RNF38: variants seen among roughly 807,000 people sequenced by gnomAD.
RNF38 encodes E3 ubiquitin-protein ligase RNF38.
RNF38 carries 15 observed loss-of-function variants against 67.2 expected under a neutral mutation model. The observed-to-expected ratio is 0.22, with a 90% CI of 0.15 to 0.34. The LOEUF is 0.34. RNF38 is among the 10% of genes least tolerant of loss of function. The pLI is 1.00. For missense variants in RNF38, 524 were observed against 639.9 expected (o/e 0.82, Z 1.95); for synonymous variants, 220 against 218.8 (o/e 1.01, Z -0.05).
intron 1 of RNF38, among the ~76,000 whole-genome samples, chr9:36,393,361 C>T (rs1330654851): frequency 6.6e-6 from 1 of 151,952 alleles, no homozygotes; most frequent in Non-Finnish European, 1.5e-5. Flanking sequence ...AAAGGATGGA[C>T]CAATATAATG....
chr9:36,454,579 A>G (rs941046620), intron 1 of RNF38, among the ~76,000 whole-genome samples: 2 of 111,150 alleles, frequency 1.8e-5, no homozygotes, highest in Admixed American at 2.0e-4. Flanking sequence ...ACATTAATTT[A>G]CTTTTTTTTT....
intron 1 of RNF38, among the ~76,000 whole-genome samples, chr9:36,449,818 A>C (rs1303451707): frequency 6.6e-6 from 1 of 152,212 alleles, no homozygotes; most frequent in African/African-American, 2.4e-5. Context: ...GCTCAACTGG[A>C]TGGAAGAAGC....
Position 36,353,343 on chromosome 9 carries a change from G to GA in RNF38, c.910-13dup, listed in dbSNP as rs200495754. 1,893 of 1,474,916 alleles carry GA rather than the reference G, an allele frequency of 1.3e-3. No homozygotes were observed. The highest frequency in any genetic ancestry group is 1.6e-3 in the East Asian group (67 of 41,524). 91.4% of individuals were successfully genotyped at this position (1,474,916 alleles called of 1,614,324 possible). A position where few individuals can be genotyped will look rare whatever the true frequency, so the allele number is the denominator to read the frequency against. ...ATCCTTTGCAGAGGCTGAGGAGGGG[G>GA]AAAAAAAAACACATATATGTATATA... is the stretch of plus-strand genomic sequence containing the variant. On this transcript the variant is annotated splice_polypyrimidine_tract_variant and intron_variant, in intron 6 of 11. Coordinates refer to ENST00000259605, the MANE Select transcript of RNF38 (RefSeq NM_022781.5).
exon 2 of RNF38, chr9:36,424,679 A>G: frequency 1.0e-6 from 1 of 984,694 alleles, no homozygotes; most frequent in Non-Finnish European, 1.2e-6. Context: ...AAGCACCAAC[A>G]CTACCTACAA....
In RNF38 at chr9:36,420,532, C is replaced by CAAAAAA. The variant is rs59641483; in HGVS notation, n.312+4075_312+4080dup. On this transcript the variant is annotated intron_variant and non_coding_transcript_variant, in intron 2 of 3. Transcript: ENST00000488058. Reference sequence around the variant, plus strand: ...GGGCAACAGAGCAAGACTCTGTCTCCAAAAAAAAAAAAAAAGAGGACAACC... The same window carrying CAAAAAA: ...GGGCAACAGAGCAAGACTCTGTCTCCAAAAAAAAAAAAAAAAAAAAAGAGGACAACC... Among the ~76,000 whole-genome samples the CAAAAAA allele has an allele frequency of 1.2e-3, 87 of 73,390 alleles. 4 individuals are homozygous for CAAAAAA. The highest frequency in any genetic ancestry group is 5.3e-3 in the East Asian group (13 of 2,440). 48.1% of individuals were successfully genotyped at this position (73,390 alleles called of 152,430 possible).
chr9:36,340,233 C>A (rs923644742), intron 11 of RNF38, among the ~76,000 whole-genome samples: 7 of 152,208 alleles, frequency 4.6e-5, no homozygotes, highest in Non-Finnish European at 8.8e-5. Context: ...CCCACCATGG[C>A]CTCCCAAGGT....
chr9:36,448,068 C>T (rs895376144), intron 1 of RNF38, among the ~76,000 whole-genome samples: 1 of 152,130 alleles, frequency 6.6e-6, no homozygotes, highest in Non-Finnish European at 1.5e-5. Flanking sequence ...CAATTTTACA[C>T]CAAGCACAAA....
intron 8 of RNF38, among the ~76,000 whole-genome samples, chr9:36,352,254 G>A (rs535937041): frequency 2.0e-5 from 3 of 151,754 alleles, no homozygotes; most frequent in Non-Finnish European, 4.4e-5. Flanking sequence ...GAGCCGAGCC[G>A]AGGTGGTGCC....
intron 1 of RNF38, among the ~76,000 whole-genome samples, chr9:36,443,820 G>A (rs1839247271): frequency 1.3e-5 from 2 of 152,188 alleles, no homozygotes; most frequent in Admixed American, 6.5e-5. Context: ...GAAAACAGGA[G>A]GTTACGGATA....
chr9:36,357,881 G>A lies in RNF38; in HGVS notation c.632C>T (p.Pro211Leu). Reference sequence around the variant, plus strand: ...AGGGATGTGCTGGCCTGTGCAGAGTGGAATCCCATGTGGTGCCACTGTTGT... The same window carrying A: ...AGGGATGTGCTGGCCTGTGCAGAGTAGAATCCCATGTGGTGCCACTGTTGT... ...TVTTVAPHGI[P>L]LCTGQHIPAC... The change falls in exon 5 of 12, where the codon CCA (proline) becomes CTA (leucine). Residue 211 changes from proline (P) to leucine (L), a missense_variant. This residue lies in a region of RNF38 where 461 missense variants were observed against 517.4 expected (regional missense o/e 0.89). Transcript: ENST00000259605. 1 of 1,614,008 alleles carries A rather than the reference G, an allele frequency of 6.2e-7. No homozygotes were observed. Among genetic ancestry groups the A allele is most frequent in the Non-Finnish European group, 8.5e-7 (1 of 1,179,938 alleles).
intron 1 of RNF38, among the ~76,000 whole-genome samples, chr9:36,460,565 T>C (rs1421826865): frequency 6.6e-6 from 1 of 151,926 alleles, no homozygotes; most frequent in Non-Finnish European, 1.5e-5. Context: ...AAGCAGCAAC[T>C]AGCTTAATCA....
At chr9:36,451,798 C>A (rs1253218144) in intron 1 of RNF38, among the ~76,000 whole-genome samples, 1 of 151,724 alleles carries the variant, frequency 6.6e-6, no homozygotes, top group African/African-American at 2.4e-5. Flanking sequence ...CTGCACCCGG[C>A]TTGCAGTATT....
At position 36,474,517 on chromosome 9, in the gene RNF38, C is replaced by T. The variant is rs571554904; in HGVS notation, n.241+12791G>A. Among the ~76,000 whole-genome samples the T allele has an allele frequency of 6.1e-5, 9 of 148,032 alleles. 1 individual carries two copies. Among genetic ancestry groups the T allele is most frequent in the Middle Eastern group, 3.4e-3 (1 of 292 alleles). ...TAAAGTAAGATGCAGTAAAGCATGA[C>T]GGCTAAAAATACAGATTCTGGAATT... On this transcript the variant is annotated intron_variant and non_coding_transcript_variant, in intron 1 of 3. Transcript: ENST00000488058.
At chr9:36,418,445 G>A (rs1468775106) in intron 2 of RNF38, among the ~76,000 whole-genome samples, 9 of 151,084 alleles carry the variant, frequency 6.0e-5, no homozygotes, top group African/African-American at 2.2e-4. Context: ...TTGAGGACAG[G>A]AGCTGAAGAC....
chr9:36,415,403 A>T (rs186892079), intron 2 of RNF38, among the ~76,000 whole-genome samples: 16 of 150,110 alleles, frequency 1.1e-4, no homozygotes, highest in African/African-American at 3.7e-4. Context: ...TTCTCTGGAG[A>T]TTTTTTTGTC....
chr9:36,485,072 G>C (rs544681500), intron 1 of RNF38, among the ~76,000 whole-genome samples: 3 of 152,328 alleles, frequency 2.0e-5, no homozygotes, highest in African/African-American at 7.2e-5. Flanking sequence ...GGGAGGCTGA[G>C]GCAGGAGAAT....
chr9:36,337,468 C>G lies in RNF38; in HGVS notation c.*2284G>C, dbSNP rs1443331428. 1 of 152,652 alleles carries G rather than the reference C, an allele frequency of 6.6e-6. No individual in the cohort carries two copies. Among genetic ancestry groups the G allele is most frequent in the Admixed American group, 6.5e-5 (1 of 15,278 alleles). The allele number at this position is 152,652 out of a possible 1,614,324, so 9.5% of individuals were successfully genotyped here. ...AGGGAGAGAAGAAAAAGCTGCTACT[C>G]CTAGTCATTAGTACAATGTGCTGTG... On this transcript the variant is annotated 3_prime_UTR_variant, in exon 12 of 12. Transcript: ENST00000259605.
chr9:36,444,319 G>A (rs915325851), intron 1 of RNF38, among the ~76,000 whole-genome samples: 1 of 152,160 alleles, frequency 6.6e-6, no homozygotes, highest in Non-Finnish European at 1.5e-5. Context: ...AGGTTGGGGG[G>A]AAGGGAGAGC....
upstream of RNF38, chr9:36,401,144 C>T (rs1436094793): frequency 2.0e-6 from 2 of 984,918 alleles, no homozygotes; most frequent in Admixed American, 6.2e-5. Flanking sequence ...CTCCCTTTTC[C>T]CCCAGGCTCC....
Sources: gnomAD v4.1 joint callset for allele counts (sites outside exome capture counted in the v4.1 genomes callset) on GRCh38, gnomAD v4.1.1 for gene constraint, gnomAD v4.1.1 regional missense constraint, MANE v1.5 for transcripts, NCBI Gene and HGNC (gene_info 2026-07-23, HGNC 2026-07-21) for gene names.